STK35: variants seen among roughly 807,000 people sequenced by gnomAD.
The protein encoded by STK35 is serine/threonine-protein kinase 35.
A neutral mutation model predicts 37.3 loss-of-function variants in STK35; 17 were observed. The observed-to-expected ratio is 0.46, with a 90% CI of 0.31 to 0.68. The LOEUF is 0.68. Among genes scored for constraint, STK35 ranks in the 30% least tolerant of loss-of-function variants. The probability of loss-of-function intolerance (pLI) is 0.05; values close to 1 mark genes in which losing one functional copy is unlikely to be tolerated. For synonymous variants in STK35, 385 were observed against 319.1 expected (o/e 1.21, Z -2.20); for missense variants, 595 against 746.7 (o/e 0.80, Z 2.37).
intron 3 of STK35, among the ~76,000 whole-genome samples, chr20:2,123,588 A>G (rs1005694246): frequency 4.6e-5 from 7 of 152,246 alleles, no homozygotes; most frequent in Admixed American, 1.3e-4. Context: ...GGCTGGAATT[A>G]CACGCAACTG....
At chr20:2,106,154 C>T (rs1273543349) in intron 2 of STK35, among the ~76,000 whole-genome samples, 1 of 152,174 alleles carries the variant, frequency 6.6e-6, no homozygotes, top group Admixed American at 6.5e-5. Context: ...CCAGGTTAAA[C>T]TTTGCTTATT....
intron 2 of STK35, among the ~76,000 whole-genome samples, chr20:2,109,693 G>A (rs1985581802): frequency 1.3e-5 from 2 of 152,244 alleles, no homozygotes; most frequent in South Asian, 2.1e-4. Context: ...ACACCCAGTA[G>A]CAGTCTGCTC....
In STK35 at chr20:2,117,174, T is replaced by C. The variant is rs1276698602; in HGVS notation, c.1401T>C (p.Ile467=). The C allele has an allele frequency of 3.7e-6, 6 of 1,614,086 alleles. No individual in the cohort carries two copies. The highest frequency in any genetic ancestry group is 5.1e-6 in the Non-Finnish European group (6 of 1,179,998). The change falls in exon 3 of 4, where the codon ATT becomes ATC. Residue 467 remains isoleucine, a synonymous_variant. Coordinates refer to ENST00000381482, the MANE Select transcript of STK35 (RefSeq NM_080836.4). The surrounding 1 kb of genome is among the most constrained non-coding windows in gnomAD (Gnocchi z 4.4). The part of the protein sequence containing the change: ...ETKKELLGTY[I]KQGTEIVPVG... ...AGAAGGAGCTCCTGGGGACCTACATTAAACAGGGGACTGAGATCGTCCCTG... is the reference window on the plus strand; with the variant it reads ...AGAAGGAGCTCCTGGGGACCTACATCAAACAGGGGACTGAGATCGTCCCTG...
intron 1 of STK35, among the ~76,000 whole-genome samples, chr20:2,102,518 A>C (rs1051635307): frequency 6.6e-6 from 1 of 152,158 alleles, no homozygotes. Flanking sequence ...TCTTTTTCCT[A>C]TCGCTACATG....
Position 2,137,516 on chromosome 20 carries a change from G to A in STK35, c.*38-6268G>A, listed in dbSNP as rs552275973. Among the ~76,000 whole-genome samples, 8 of 152,300 alleles carry A rather than the reference G, an allele frequency of 5.3e-5. 1 individual carries two copies. The South Asian group carries it at 1.7e-3, about 32-fold the overall frequency. ...CATGGAGCACTGCGAAGCTCCTGTT[G>A]TATATGTTGTATAATCTCTGCCCTC... On this transcript the variant is annotated intron_variant, in intron 3 of 3. Coordinates refer to ENST00000381482, the MANE Select transcript of STK35 (RefSeq NM_080836.4).
intron 3 of STK35, among the ~76,000 whole-genome samples, chr20:2,132,226 T>C (rs916394898): frequency 6.6e-6 from 1 of 152,186 alleles, no homozygotes; most frequent in East Asian, 1.9e-4. Context: ...CACCGCACTG[T>C]CTCAGGGCCA....
rs543376450 is a variant in STK35 at position 2,148,492 on chromosome 20, A to C, written c.*4746A>C. ...ATGAATGACTGAGGCTTTGTAAATT[A>C]AGGGACGTTTGTGTGAATAAAGTTA... On this transcript the variant is annotated 3_prime_UTR_variant, in exon 4 of 4. Coordinates refer to ENST00000381482, the MANE Select transcript of STK35 (RefSeq NM_080836.4). The C allele has an allele frequency of 1.3e-5, 2 of 152,632 alleles. No individual in the cohort carries two copies. The highest frequency in any genetic ancestry group is 4.8e-5 in the African/African-American group (2 of 41,444). 9.5% of individuals were successfully genotyped at this position (152,632 alleles called of 1,614,324 possible).
chr20:2,105,055 G>A (rs1349474170), intron 2 of STK35, among the ~76,000 whole-genome samples: 1 of 151,830 alleles, frequency 6.6e-6, no homozygotes, highest in Non-Finnish European at 1.5e-5. Context: ...TACTTGAGAG[G>A]CAGAGGCAGG....
chr20:2,106,145 C>G (rs759997466), intron 2 of STK35, among the ~76,000 whole-genome samples: 1 of 152,124 alleles, frequency 6.6e-6, no homozygotes, highest in Non-Finnish European at 1.5e-5. Flanking sequence ...AAAATTACTC[C>G]AGGTTAAACT....
intron 2 of STK35, among the ~76,000 whole-genome samples, chr20:2,106,928 T>C (rs1985527142): frequency 1.3e-5 from 2 of 152,192 alleles, no homozygotes; most frequent in Admixed American, 6.5e-5. Flanking sequence ...GACAAAACTT[T>C]TATCCACAAT....
intron 3 of STK35, among the ~76,000 whole-genome samples, chr20:2,118,970 A>G (rs1358367779): frequency 6.6e-6 from 1 of 152,140 alleles, no homozygotes; most frequent in Non-Finnish European, 1.5e-5. Flanking sequence ...CTAATGACTC[A>G]TTTCTCAGAA....
chr20:2,108,655 T>G (rs550373065), intron 2 of STK35, among the ~76,000 whole-genome samples: 47 of 152,314 alleles, frequency 3.1e-4, no homozygotes, highest in Middle Eastern at 3.4e-3. Context: ...CTTGAATGAC[T>G]TGGGGCAACC....
chr20:2,116,551 C>T (rs1985720690), intron 2 of STK35, 115 bp from the exon 3 acceptor site: 2 of 1,173,156 alleles, frequency 1.7e-6, no homozygotes, highest in African/African-American at 3.1e-5. Flanking sequence ...TGCAGGTCCC[C>T]TTGGAGCAGT....
chr20:2,123,112 T>C (rs1272026963), intron 3 of STK35, among the ~76,000 whole-genome samples: 3 of 152,164 alleles, frequency 2.0e-5, no homozygotes, highest in African/African-American at 7.2e-5. Flanking sequence ...TCTGCATTCA[T>C]GGCCAAGTCT....
At chr20:2,124,147 A>G (rs1438105607) in intron 3 of STK35, among the ~76,000 whole-genome samples, 2 of 152,182 alleles carry the variant, frequency 1.3e-5, no homozygotes, top group Non-Finnish European at 2.9e-5. Context: ...AATTCAACAA[A>G]TAACTGAGCA....
intron 2 of STK35, among the ~76,000 whole-genome samples, chr20:2,108,449 G>A (rs1985557379): frequency 6.6e-6 from 1 of 152,216 alleles, no homozygotes. Context: ...GGCAGAGGCT[G>A]CAGTGAGCTG....
rs937874999 is a variant in STK35 at position 2,145,945 on chromosome 20, C to G, written c.*2199C>G. 2 of 152,124 alleles carry G rather than the reference C, an allele frequency of 1.3e-5. No homozygotes were observed. The highest frequency in any genetic ancestry group is 6.5e-5 in the Admixed American group (1 of 15,276). The allele number at this position is 152,124 out of a possible 1,614,324, so 9.4% of individuals were successfully genotyped here. On this transcript the variant is annotated 3_prime_UTR_variant, in exon 4 of 4. Coordinates refer to ENST00000381482, the MANE Select transcript of STK35 (RefSeq NM_080836.4). ...TTTTCCCTCCCCAGGTCTAGTAGCT[C>G]TAACTAAAAAGTTCTTGGAGCCATC...
intron 2 of STK35, 109 bp from the exon 3 acceptor site, chr20:2,116,556 AG>A: frequency 8.3e-7 from 1 of 1,199,594 alleles, no homozygotes; most frequent in Non-Finnish European, 1.2e-6. Context: ...GTCCCCTTGG[AG>A]CAGTTGTTTG....
chr20:2,134,417 C>T (rs572576751), intron 3 of STK35, among the ~76,000 whole-genome samples: 1 of 152,300 alleles, frequency 6.6e-6, no homozygotes, highest in South Asian at 2.1e-4. Flanking sequence ...TCCCTCAGCC[C>T]CAGCCACACA....
Sources: gnomAD v4.1 joint callset for allele counts (sites outside exome capture counted in the v4.1 genomes callset) on GRCh38, gnomAD v4.1.1 for gene constraint, Gnocchi (gnomAD v3.1) non-coding constraint, MANE v1.5 for transcripts, NCBI Gene and HGNC (gene_info 2026-07-23, HGNC 2026-07-21) for gene names.